Variants in ST13 observed in about 807,000 individuals in gnomAD.
ST13 encodes the protein hsc70-interacting protein.
ST13 carries 23 observed loss-of-function variants against 56.7 expected under a neutral mutation model. The observed-to-expected ratio is 0.41, with a 90% CI of 0.29 to 0.57. ST13 has a LOEUF of 0.57. ST13 is among the 20% of genes least tolerant of loss of function. The pLI, the probability that ST13 is intolerant of heterozygous loss-of-function variation, is 0.36. For synonymous variants in ST13, 132 were observed against 142.4 expected (o/e 0.93, Z 0.52); for missense variants, 369 against 459.9 (o/e 0.80, Z 1.81).
In ST13 at chr22:40,827,339, T is replaced by C; in HGVS notation, c.848-110A>G. 4 of 1,091,408 alleles carry C rather than the reference T, an allele frequency of 3.7e-6. No individual in the cohort carries two copies. In the South Asian group the frequency reaches 4.4e-5, roughly 12 times the overall value. The allele number at this position is 1,091,408 out of a possible 1,614,324, so 67.6% of individuals were successfully genotyped here. ...AATATGGGTGCCACTAAGCACAAAG[T>C]AGTCTGAAGAGTCTGAAAATTCTAA... is the stretch of plus-strand genomic sequence containing the variant. On this transcript the variant is annotated intron_variant, in intron 10 of 11. Coordinates refer to ENST00000216218, the MANE Select transcript of ST13 (RefSeq NM_003932.5).
At chr22:40,842,872 T>C (rs1837115992) in intron 4 of ST13, among the ~76,000 whole-genome samples, 1 of 152,218 alleles carries the variant, frequency 6.6e-6, no homozygotes, top group Non-Finnish European at 1.5e-5. Flanking sequence ...AAGACTTACG[T>C]CAGGTGCAGT....
At chr22:40,827,491 G>A (rs2057734388) in intron 10 of ST13, among the ~76,000 whole-genome samples, 1 of 151,746 alleles carries the variant, frequency 6.6e-6, no homozygotes, top group African/African-American at 2.4e-5. Flanking sequence ...ATTTTTGTTT[G>A]TTTTGAGACG....
rs529611830 is a variant in ST13, at chr22:40,824,642, A to T, written c.*1896T>A. On this transcript the variant is annotated 3_prime_UTR_variant, in exon 12 of 12. Coordinates refer to ENST00000216218, the MANE Select transcript of ST13 (RefSeq NM_003932.5). ...TTTACCCACTTATGGTAATATTTGC[A>T]ATATTAGAATATAATTAGGTTAAAT... The T allele has an allele frequency of 6.6e-6, 1 of 152,336 alleles. No individual in the cohort carries two copies. Among genetic ancestry groups the T allele is most frequent in the Non-Finnish European group, 1.5e-5 (1 of 68,030 alleles). The allele number at this position is 152,336 out of a possible 1,614,324, so 9.4% of individuals were successfully genotyped here.
chr22:40,843,049 C>T (rs750555593), intron 4 of ST13, among the ~76,000 whole-genome samples: 6 of 152,006 alleles, frequency 3.9e-5, no homozygotes, highest in Non-Finnish European at 5.9e-5. Context: ...GAGCCCAGGG[C>T]GTCAAGGGCG....
chr22:40,840,124 TG>T (rs1469396407), intron 5 of ST13, among the ~76,000 whole-genome samples: 1 of 152,184 alleles, frequency 6.6e-6, no homozygotes, highest in Non-Finnish European at 1.5e-5. Context: ...CACTCCAGCC[TG>T]GGCAACAGAG....
intron 4 of ST13, among the ~76,000 whole-genome samples, chr22:40,842,459 A>G (rs192620381): frequency 6.6e-6 from 1 of 152,346 alleles, no homozygotes; most frequent in African/African-American, 2.4e-5. Context: ...ACAAATAACC[A>G]AGTAGACTTC....
intron 3 of ST13, among the ~76,000 whole-genome samples, chr22:40,846,274 AC>A (rs772539278): frequency 7.9e-5 from 12 of 152,090 alleles, no homozygotes; most frequent in Admixed American, 5.2e-4. Context: ...ACTTTACTGC[AC>A]CTCACATAAT....
At chr22:40,851,653 G>C (rs568557733) in intron 1 of ST13, among the ~76,000 whole-genome samples, 54 of 152,152 alleles carry the variant, frequency 3.5e-4, no homozygotes, top group Non-Finnish European at 5.7e-4. Flanking sequence ...TGGAAGCAAC[G>C]TAGACATTAT....
chr22:40,850,536 C>T (rs776560138), intron 2 of ST13, among the ~76,000 whole-genome samples: 2 of 152,188 alleles, frequency 1.3e-5, no homozygotes, highest in African/African-American at 2.4e-5. Flanking sequence ...ATGAAGACTA[C>T]GGATGCACAC....
rs2057723704 is a variant in ST13, at chr22:40,825,559, T to C, written c.*979A>G. 8 of 152,278 alleles carry C rather than the reference T, an allele frequency of 5.3e-5. No homozygotes were observed. In the South Asian group the frequency reaches 1.7e-3, roughly 32 times the overall value. The allele number at this position is 152,278 out of a possible 1,614,324, so 9.4% of individuals were successfully genotyped here. A position where few individuals can be genotyped will look rare whatever the true frequency, so the allele number is the denominator to read the frequency against. On this transcript the variant is annotated 3_prime_UTR_variant, in exon 12 of 12. Transcript: ENST00000216218. Reference sequence around the variant, plus strand: ...GTTGTTGTGGGTATTACCCTACAATTACCATATGTATTACATATTAAATTA... The same window carrying C: ...GTTGTTGTGGGTATTACCCTACAATCACCATATGTATTACATATTAAATTA...
chr22:40,849,686 A>T (rs1601473340), intron 2 of ST13, among the ~76,000 whole-genome samples: 2 of 151,912 alleles, frequency 1.3e-5, no homozygotes, highest in South Asian at 4.1e-4. Context: ...CTTCATACAC[A>T]TTTGCCAAAT....
At chr22:40,838,659 G>A (rs1209784582) in intron 5 of ST13, among the ~76,000 whole-genome samples, 1 of 151,926 alleles carries the variant, frequency 6.6e-6, no homozygotes, top group Non-Finnish European at 1.5e-5. Flanking sequence ...TGTATTGCCA[G>A]CTACTCAGGA....
intron 10 of ST13, among the ~76,000 whole-genome samples, chr22:40,827,840 A>G (rs1328219564): frequency 6.6e-6 from 1 of 152,090 alleles, no homozygotes; most frequent in South Asian, 2.1e-4. Flanking sequence ...AAAAAAGACT[A>G]ATCTCGCCTT....
intron 4 of ST13, among the ~76,000 whole-genome samples, chr22:40,844,601 G>A (rs564674666): frequency 3.3e-5 from 5 of 152,214 alleles, no homozygotes; most frequent in East Asian, 3.9e-4. Context: ...TGAATTCTGC[G>A]TTACAGTGCA....
intron 4 of ST13, 121 bp from the exon 5 acceptor site, chr22:40,840,813 C>T: frequency 1.4e-6 from 1 of 737,716 alleles, no homozygotes; most frequent in Non-Finnish European, 2.2e-6. Flanking sequence ...TCTGTAGTCT[C>T]CAGAGAACAA....
rs2057836501 is a variant in ST13, at chr22:40,847,228, C to T, written c.244+1066G>A. ...TAAACAAATACTATTTTTTGGCACT[C>T]AATTCAGTTATGGGAAAACTTTTGG... On this transcript the variant is annotated intron_variant, in intron 3 of 11. Coordinates refer to ENST00000216218, the MANE Select transcript of ST13 (RefSeq NM_003932.5). Among the ~76,000 whole-genome samples, 4 of 152,028 alleles carry T rather than the reference C, an allele frequency of 2.6e-5. No homozygotes were observed. The South Asian group carries it at 8.3e-4, about 32-fold the overall frequency.
chr22:40,855,705 TAGAC>T (rs1356889919), intron 1 of ST13, among the ~76,000 whole-genome samples: 9 of 152,204 alleles, frequency 5.9e-5, no homozygotes, highest in Non-Finnish European at 1.0e-4. Flanking sequence ...TTCGTCTAAA[TAGAC>T]AGTACTTATA....
chr22:40,835,486 G>C (rs1429835301), intron 7 of ST13, 74 bp downstream of exon 7: 2 of 1,335,094 alleles, frequency 1.5e-6, no homozygotes, highest in Non-Finnish European at 2.1e-6. Context: ...TTGTGTTTTT[G>C]TTTAAACAAA....
Position 40,856,542 on chromosome 22 carries a change from G to C in ST13, c.-2C>G. 1 of 1,611,576 alleles carries C rather than the reference G, an allele frequency of 6.2e-7. No individual in the cohort carries two copies. The highest frequency in any genetic ancestry group is 8.5e-7 in the Non-Finnish European group (1 of 1,179,388). On this transcript the variant is annotated 5_prime_UTR_variant, in exon 1 of 12. Coordinates refer to ENST00000216218, the MANE Select transcript of ST13 (RefSeq NM_003932.5). ...CTCGTTCACTTTGCGGGGGTCCATG[G>C]TAGGGAGGTGGTGGGCGAAACTGGG...
Sources: gnomAD v4.1 joint callset for allele counts (sites outside exome capture counted in the v4.1 genomes callset) on GRCh38, gnomAD v4.1.1 for gene constraint, MANE v1.5 for transcripts, NCBI Gene and HGNC (gene_info 2026-07-23, HGNC 2026-07-21) for gene names.